B3GALNT2: variants seen among roughly 807,000 people sequenced by gnomAD.
B3GALNT2 encodes the protein beta-1,3-N-acetylgalactosaminyltransferase 2, also known as UDP-GalNAc:beta-1,3-N-acetylgalactosaminyltransferase 2.
In B3GALNT2, 53 loss-of-function variants were observed where a neutral mutation model predicts 61.1. The observed-to-expected ratio is 0.87, with a 90% CI of 0.70 to 1.09. B3GALNT2 has a LOEUF of 1.09. Among genes scored for constraint, B3GALNT2 ranks in the 50% least tolerant of loss-of-function variants. B3GALNT2 has a pLI of 0.00. For synonymous variants in B3GALNT2, 223 were observed against 237.4 expected (o/e 0.94, Z 0.56); for missense variants, 544 against 623.0 (o/e 0.87, Z 1.35).
chr1:235,470,394 C>T (rs1179176103), intron 6 of B3GALNT2, among the ~76,000 whole-genome samples: 1 of 151,862 alleles, frequency 6.6e-6, no homozygotes, highest in Non-Finnish European at 1.5e-5. Flanking sequence ...AGTTTGCAAC[C>T]AGCCTAGGCA....
At chr1:235,490,169 C>A (rs1339634968) in intron 2 of B3GALNT2, among the ~76,000 whole-genome samples, 1 of 152,154 alleles carries the variant, frequency 6.6e-6, no homozygotes, top group East Asian at 1.9e-4. Context: ...TCTCCCTAAA[C>A]AATATTATTT....
chr1:235,502,283 G>A (rs1004565544), intron 1 of B3GALNT2, among the ~76,000 whole-genome samples: 1 of 152,224 alleles, frequency 6.6e-6, no homozygotes. Context: ...AAAGTGTTGG[G>A]ATTACAGGCG....
Position 235,459,365 on chromosome 1 carries a change from G to A in B3GALNT2, c.842-579C>T, listed in dbSNP as rs559757579. Among the ~76,000 whole-genome samples, 181 of 152,342 alleles carry A rather than the reference G, an allele frequency of 1.2e-3. 2 individuals carry two copies. The highest frequency in any genetic ancestry group is 4.0e-3 in the African/African-American group (168 of 41,586). On this transcript the variant is annotated intron_variant, in intron 7 of 11. Transcript: ENST00000366600. ...TGGTCAGGCGTGGTGGCTTATGCCT[G>A]TAATCCCAGCACTCCGTGAAGCCGA...
intron 6 of B3GALNT2, among the ~76,000 whole-genome samples, chr1:235,467,075 G>A (rs756614179): frequency 7.2e-5 from 11 of 152,122 alleles, no homozygotes; most frequent in South Asian, 2.1e-4. Flanking sequence ...TAGGCCAGGC[G>A]CAGTGGCTCA....
In B3GALNT2 at chr1:235,503,402, T is replaced by C. The variant is rs930472900; in HGVS notation, c.112+739A>G. On this transcript the variant is annotated intron_variant, in intron 1 of 11. Coordinates refer to ENST00000366600, the MANE Select transcript of B3GALNT2 (RefSeq NM_152490.5). ...GGGCACCGTAAGTAAAGCATTCTAT[T>C]AGGCTGTGACGCGAAACAAGAACAA... Among the ~76,000 whole-genome samples, 12 of 152,236 alleles carry C rather than the reference T, an allele frequency of 7.9e-5. 1 individual carries two copies. The highest frequency in any genetic ancestry group is 3.9e-4 in the Admixed American group (6 of 15,282).
At chr1:235,455,443 C>G in intron 9 of B3GALNT2, 116 bp downstream of exon 9, 1 of 1,098,432 alleles carries the variant, frequency 9.1e-7, no homozygotes, top group East Asian at 2.6e-5. Context: ...ACCCAGGAGT[C>G]TAGTACGAAA....
chr1:235,463,362 C>T (rs897940847), intron 7 of B3GALNT2: 22 of 151,350 alleles, frequency 1.5e-4, no homozygotes, highest in African/African-American at 5.3e-4. Context: ...CCTGCTCCCC[C>T]AAAACCGATT....
chr1:235,480,829 C>T (rs1338515996), intron 4 of B3GALNT2, among the ~76,000 whole-genome samples: 1 of 136,628 alleles, frequency 7.3e-6, no homozygotes, highest in Non-Finnish European at 1.5e-5. Flanking sequence ...TCGCTTGAAC[C>T]CAGGAGGTGG....
At chr1:235,481,131 C>G (rs1199519000) in intron 4 of B3GALNT2, among the ~76,000 whole-genome samples, 4 of 152,032 alleles carry the variant, frequency 2.6e-5, no homozygotes, top group African/African-American at 7.3e-5. Flanking sequence ...CTATTTCTTT[C>G]ATGAACACCA....
rs994102365 is a variant in B3GALNT2 at position 235,458,674 on chromosome 1, A to T, written c.954T>A (p.Asp318Glu). 1 of 1,613,114 alleles carries T rather than the reference A, an allele frequency of 6.2e-7. No homozygotes were observed. The highest frequency in any genetic ancestry group is 8.5e-7 in the Non-Finnish European group (1 of 1,179,662). The change falls in exon 8 of 12, where the codon GAT becomes GAA. Residue 318 changes from aspartate to glutamate, a missense_variant. Coordinates refer to ENST00000366600, the MANE Select transcript of B3GALNT2 (RefSeq NM_152490.5). ...CGACAACATCCACAAAAACAATATC[A>T]TCATAGATGCTGCTTTCCTCCTTCA... ...ALLKEESSIY[D>E]DIVFVDVVDT...
At chr1:235,482,313 A>C (rs1331760735) in intron 4 of B3GALNT2, among the ~76,000 whole-genome samples, 1 of 152,058 alleles carries the variant, frequency 6.6e-6, no homozygotes, top group Non-Finnish European at 1.5e-5. Flanking sequence ...TTGAATGAAA[A>C]TCTGTAGTCT....
At chr1:235,461,904 T>G (rs930585804) in intron 7 of B3GALNT2, among the ~76,000 whole-genome samples, 6 of 152,214 alleles carry the variant, frequency 3.9e-5, no homozygotes, top group Non-Finnish European at 8.8e-5. Flanking sequence ...TGAGTACATA[T>G]GCAACCATTC....
intron 5 of B3GALNT2, among the ~76,000 whole-genome samples, chr1:235,474,964 TATATATATATATATATA>T (rs1684177095): frequency 3.9e-5 from 1 of 25,552 alleles, no homozygotes; most frequent in Non-Finnish European, 7.1e-5. Context: ...TATATATATA[TATATATATATATATATA>T]TATATATTTT....
At chr1:235,473,825 C>T (rs1684116996) in intron 5 of B3GALNT2, among the ~76,000 whole-genome samples, 1 of 152,194 alleles carries the variant, frequency 6.6e-6, no homozygotes, top group Non-Finnish European at 1.5e-5. Context: ...CACCTTGAAA[C>T]TACAAATCTA....
the B3GALNT2 span, among the ~76,000 whole-genome samples, chr1:235,442,170 G>C: frequency 6.6e-6 from 1 of 151,796 alleles, no homozygotes; most frequent in African/African-American, 2.4e-5. Flanking sequence ...AACCATGCCC[G>C]GCTAATTTTT....
At chr1:235,488,721 A>AAGG (rs1425703635) in intron 3 of B3GALNT2, among the ~76,000 whole-genome samples, 2 of 106,532 alleles carry the variant, frequency 1.9e-5, no homozygotes, top group African/African-American at 7.2e-5. Context: ...AAAAAAAAAA[A>AAGG]GATGAGACAT....
At chr1:235,461,164 G>A (rs969885944) in intron 7 of B3GALNT2, among the ~76,000 whole-genome samples, 1 of 152,180 alleles carries the variant, frequency 6.6e-6, no homozygotes, top group Non-Finnish European at 1.5e-5. Flanking sequence ...CACTGCAAAT[G>A]GAAAGGATGA....
At position 235,455,693 on chromosome 1, in the gene B3GALNT2, A is replaced by T; in HGVS notation, c.1026-9T>A. The T allele has an allele frequency of 6.2e-7, 1 of 1,605,594 alleles. No individual in the cohort carries two copies. Among genetic ancestry groups the T allele is most frequent in the African/African-American group, 1.3e-5 (1 of 74,720 alleles). ...TCGTTGTTTCCACAGTCCTGTTGACACAAAAGGGATAAGAAAGTCAGTGCG... is the reference window on the plus strand; with the variant it reads ...TCGTTGTTTCCACAGTCCTGTTGACTCAAAAGGGATAAGAAAGTCAGTGCG... On this transcript the variant is annotated splice_polypyrimidine_tract_variant and intron_variant, in intron 8 of 11. Transcript: ENST00000366600.
Position 235,449,184 on chromosome 1 carries a change from C to T in B3GALNT2, c.*1022G>A. The T allele has an allele frequency of 4.0e-6, 1 of 247,296 alleles. No individual in the cohort carries two copies. Among genetic ancestry groups the T allele is most frequent in the East Asian group, 1.1e-4 (1 of 9,388 alleles). 15.3% of individuals were successfully genotyped at this position (247,296 alleles called of 1,614,324 possible). A position where few individuals can be genotyped will look rare whatever the true frequency, so the allele number is the denominator to read the frequency against. Reference sequence around the variant, plus strand: ...TGGTTGGTCATTTTGGGAAATGTCCCTTAAACTTGGGGAGACATCCTCTAC... The same window carrying T: ...TGGTTGGTCATTTTGGGAAATGTCCTTTAAACTTGGGGAGACATCCTCTAC... On this transcript the variant is annotated 3_prime_UTR_variant, in exon 12 of 12. Coordinates refer to ENST00000366600, the MANE Select transcript of B3GALNT2 (RefSeq NM_152490.5).
Sources: allele counts gnomAD v4.1 joint callset (sites outside exome capture counted in the v4.1 genomes callset), GRCh38; gene constraint gnomAD v4.1.1; transcripts MANE v1.5; gene names NCBI Gene and HGNC (gene_info 2026-07-23, HGNC 2026-07-21).